Variants in IL1RAPL1 observed in about 807,000 individuals in gnomAD.
IL1RAPL1 encodes interleukin-1 receptor accessory protein-like 1.
In IL1RAPL1, 3 loss-of-function variants were observed where a neutral mutation model predicts 48.4. The observed-to-expected ratio is 0.06, with a 90% CI of 0.03 to 0.16. The LOEUF is 0.16. Ranked by LOEUF, IL1RAPL1 falls within the 10% of genes least tolerant of loss-of-function variation. The probability of loss-of-function intolerance (pLI) is 1.00; values close to 1 mark genes in which losing one functional copy is unlikely to be tolerated. For synonymous variants in IL1RAPL1, 185 were observed against 187.7 expected, an observed-to-expected ratio of 0.99 and a Z score of 0.12; for missense variants, 349 against 530.6, an observed-to-expected ratio of 0.66 and a Z score of 3.36.
intron 1 of IL1RAPL1, among the ~76,000 whole-genome samples, chrX:28,697,581 C>G (rs552128615): frequency 9.0e-6 from 1 of 111,517 alleles, no homozygotes; most frequent in African/African-American, 3.2e-5. Flanking sequence ...GATGGAAGGA[C>G]AGTTGTGATA....
intron 3 of IL1RAPL1, among the ~76,000 whole-genome samples, chrX:29,289,570 A>G (rs1932339595): frequency 9.0e-6 from 1 of 111,692 alleles, no homozygotes; most frequent in Non-Finnish European, 1.9e-5. Flanking sequence ...ATTATTTTTC[A>G]TGTAAATTAT....
rs928129308 is a variant in IL1RAPL1, at chrX:28,621,170, G to C, written c.-25+33123G>C. Among the ~76,000 whole-genome samples, 4 of 112,047 alleles carry C rather than the reference G, an allele frequency of 3.6e-5. No homozygotes were observed. In the Admixed American group the frequency reaches 3.8e-4, roughly 11 times the overall value. ...TATTTTATTATTTGTTTATCTGTTTGTTTCTTCCATCAAGAATCAAAGTTC... is the reference window on the plus strand; with the variant it reads ...TATTTTATTATTTGTTTATCTGTTTCTTTCTTCCATCAAGAATCAAAGTTC... On this transcript the variant is annotated intron_variant, in intron 1 of 10. Coordinates refer to ENST00000378993, the MANE Select transcript of IL1RAPL1 (RefSeq NM_014271.4).
At chrX:29,750,955 A>G (rs1601807828) in intron 6 of IL1RAPL1, among the ~76,000 whole-genome samples, 2 of 111,722 alleles carry the variant, frequency 1.8e-5, no homozygotes, top group East Asian at 5.6e-4. Flanking sequence ...TTCTCAAACA[A>G]TAACTTTGAA....
chrX:29,850,172 A>G (rs754134921), intron 6 of IL1RAPL1, among the ~76,000 whole-genome samples: 1 of 112,429 alleles, frequency 8.9e-6, no homozygotes, highest in Non-Finnish European at 1.9e-5. Flanking sequence ...ACATTCTTCA[A>G]AGAAGAAAAT....
chrX:28,595,569 T>G (rs1933945304), intron 1 of IL1RAPL1, among the ~76,000 whole-genome samples: 1 of 111,870 alleles, frequency 8.9e-6, no homozygotes, highest in Non-Finnish European at 1.9e-5. Context: ...AGGGAGCTGG[T>G]AGCATACCTG....
chrX:29,480,715 CTT>C (rs1426507709), intron 5 of IL1RAPL1, among the ~76,000 whole-genome samples: 1 of 111,011 alleles, frequency 9.0e-6, no homozygotes, highest in East Asian at 2.8e-4. Flanking sequence ...CTACACATCT[CTT>C]ATTAGTTTGA....
intron 5 of IL1RAPL1, among the ~76,000 whole-genome samples, chrX:29,641,008 A>G (rs2147085260): frequency 9.0e-6 from 1 of 111,203 alleles, no homozygotes; most frequent in Non-Finnish European, 1.9e-5. Flanking sequence ...TCTTAAAAAA[A>G]AAAAAATTAA....
chrX:28,788,933 A>G (rs1314175350), intron 1 of IL1RAPL1, among the ~76,000 whole-genome samples: 6 of 112,116 alleles, frequency 5.4e-5, no homozygotes, highest in Non-Finnish European at 9.4e-5. Context: ...ACCACATTCT[A>G]TTGCAGCATG....
chrX:29,782,096 G>GTCTATCTATCTA (rs1464490641), intron 6 of IL1RAPL1, among the ~76,000 whole-genome samples: 2,343 of 90,371 alleles, frequency 0.026, 37 homozygotes, highest in South Asian at 0.035. Context: ...CTGTCTGTCT[G>GTCTATCTATCTA]TCTGTCTATC....
intron 6 of IL1RAPL1, among the ~76,000 whole-genome samples, chrX:29,832,705 GT>G (rs67136004): frequency 0.034 from 2,899 of 84,914 alleles, 84 homozygotes; most frequent in African/African-American, 0.11. Flanking sequence ...TTTTGTTTTT[GT>G]TTTTTTTTTT....
chrX:28,656,943 A>T (rs197017), intron 1 of IL1RAPL1, among the ~76,000 whole-genome samples: 41,065 of 104,683 alleles, frequency 0.39, 6,434 homozygotes, highest in South Asian at 0.54. Flanking sequence ...GGAGAATGGC[A>T]TGAACCCCGG....
intron 2 of IL1RAPL1, among the ~76,000 whole-genome samples, chrX:29,020,897 T>C (rs1926349245): frequency 8.9e-6 from 1 of 112,241 alleles, no homozygotes; most frequent in African/African-American, 3.2e-5. Context: ...ACCTAATTTC[T>C]GATCATTTTC....
chrX:29,008,913 C>T (rs1926055651), intron 2 of IL1RAPL1, among the ~76,000 whole-genome samples: 1 of 111,520 alleles, frequency 9.0e-6, no homozygotes, highest in African/African-American at 3.2e-5. Flanking sequence ...AAAGTGAGAA[C>T]ATGCTGTTTT....
intron 6 of IL1RAPL1, among the ~76,000 whole-genome samples, chrX:29,700,634 A>G (rs1219476791): frequency 2.7e-5 from 3 of 111,967 alleles, no homozygotes; most frequent in Non-Finnish European, 5.6e-5. Context: ...GAGTAACAGT[A>G]TTACAGCTCT....
At chrX:29,671,948 G>C (rs1926151912) in intron 6 of IL1RAPL1, among the ~76,000 whole-genome samples, 1 of 112,158 alleles carries the variant, frequency 8.9e-6, no homozygotes, top group Non-Finnish European at 1.9e-5. Context: ...TTAAATGTCA[G>C]TGTTGTCTTT....
intron 9 of IL1RAPL1, among the ~76,000 whole-genome samples, chrX:29,942,174 A>C (rs1458165238): frequency 8.9e-6 from 1 of 111,792 alleles, no homozygotes; most frequent in Non-Finnish European, 1.9e-5. Context: ...CTAGCCCAGT[A>C]GTTTGAAGCG....
intron 2 of IL1RAPL1, among the ~76,000 whole-genome samples, chrX:28,898,219 TC>T (rs1922982732): frequency 8.9e-6 from 1 of 111,800 alleles, no homozygotes; most frequent in Admixed American, 9.5e-5. Flanking sequence ...TTCCTTGGGT[TC>T]CCTTTTTACT....
chrX:29,034,730 T>A (rs1926693249), intron 2 of IL1RAPL1, among the ~76,000 whole-genome samples: 1 of 112,332 alleles, frequency 8.9e-6, no homozygotes, highest in Non-Finnish European at 1.9e-5. Context: ...ACTTTCCAAG[T>A]GTTTATTGGT....
chrX:29,027,043 T>G (rs1926500992), intron 2 of IL1RAPL1, among the ~76,000 whole-genome samples: 1 of 111,912 alleles, frequency 8.9e-6, no homozygotes, highest in African/African-American at 3.2e-5. Flanking sequence ...AATACATCAT[T>G]ATCATTCAGA....
Sources: allele counts gnomAD v4.1 joint callset (sites outside exome capture counted in the v4.1 genomes callset), GRCh38; gene constraint gnomAD v4.1.1; transcripts MANE v1.5; gene names NCBI Gene and HGNC (gene_info 2026-07-23, HGNC 2026-07-21).